Variants in STAT3 observed in about 807,000 individuals in gnomAD.
STAT3 encodes the protein DNA-binding protein APRF.
STAT3 carries 7 observed loss-of-function variants against 114.3 expected under a neutral mutation model. The observed-to-expected ratio is 0.06, with a 90% CI of 0.03 to 0.11. STAT3 has a LOEUF of 0.11. Ranked by LOEUF, STAT3 falls within the 10% of genes least tolerant of loss-of-function variation. The probability of loss-of-function intolerance (pLI) is 1.00; values close to 1 mark genes in which losing one functional copy is unlikely to be tolerated. For missense variants in STAT3, 364 were observed against 960.9 expected (o/e 0.38, Z 8.21); for synonymous variants, 331 against 354.5 (o/e 0.93, Z 0.74).
intron 21 of STAT3, chr17:42,317,473 G>T: frequency 1.7e-6 from 1 of 583,652 alleles, no homozygotes. Context: ...AGACTTTTCA[G>T]CATAACCTTT....
chr17:42,348,537 C>T lies in STAT3; in HGVS notation c.-21G>A, dbSNP rs2082797348. The T allele has an allele frequency of 6.2e-7, 1 of 1,612,846 alleles. No homozygotes were observed. The highest frequency in any genetic ancestry group is 8.5e-7 in the Non-Finnish European group (1 of 1,179,920). ...GCCATCCTGCTAAAATCAGGGGTCC[C>T]AACTGTAAACCAAAGTGTGCATATG... On this transcript the variant is annotated splice_region_variant and 5_prime_UTR_variant, in exon 2 of 24. Coordinates refer to ENST00000264657, the MANE Select transcript of STAT3 (RefSeq NM_139276.3).
chr17:42,343,094 C>A (rs1227925656), intron 4 of STAT3, among the ~76,000 whole-genome samples: 1 of 150,454 alleles, frequency 6.6e-6, no homozygotes, highest in Non-Finnish European at 1.5e-5. Flanking sequence ...ATCGCTAGGG[C>A]CCAGGTGGTT....
rs757779747 is a variant in STAT3, at chr17:42,316,828, T to G, written c.2218A>C (p.Asn740His). Residue 740 changes from asparagine (N) to histidine (H), a missense_variant, in exon 23 of 24, where the codon AAT becomes CAT. By Grantham distance (68) the Asn-to-His change is moderately conservative. Transcript: ENST00000264657. Reference sequence around the variant, plus strand: ...GCTGAGGGTTCAGCACCTTCACCATTATTTCCAAACTGCATCAATGAATCT... The same window carrying G: ...GCTGAGGGTTCAGCACCTTCACCATGATTTCCAAACTGCATCAATGAATCT... Reference protein sequence around the residue: ...TLDSLMQFGNNGEGAEPSAGG... With the variant: ...TLDSLMQFGNHGEGAEPSAGG... The G allele has an allele frequency of 2.5e-6, 4 of 1,613,726 alleles. No homozygotes were observed. Among genetic ancestry groups the G allele is most frequent in the Non-Finnish European group, 2.5e-6 (3 of 1,179,952 alleles).
At chr17:42,384,941 A>G (rs1358868154) in intron 1 of STAT3, among the ~76,000 whole-genome samples, 2 of 152,174 alleles carry the variant, frequency 1.3e-5, no homozygotes, top group African/African-American at 2.4e-5. Context: ...TCCAGGCCTC[A>G]TAACCTCTCC....
chr17:42,315,486 C>G lies in STAT3; in HGVS notation c.*259G>C. 1 of 589,348 alleles carries G rather than the reference C, an allele frequency of 1.7e-6. No individual in the cohort carries two copies. Among genetic ancestry groups the G allele is most frequent in the Non-Finnish European group, 3.0e-6 (1 of 330,480 alleles). 36.5% of individuals were successfully genotyped at this position (589,348 alleles called of 1,614,324 possible). A position where few individuals can be genotyped will look rare whatever the true frequency, so the allele number is the denominator to read the frequency against. ...CCTTTTTCTCCCTCTAGCCACCCCC[C>G]GCCACATCCCCTGATCATGGGTCTC... On this transcript the variant is annotated 3_prime_UTR_variant, in exon 24 of 24. Transcript: ENST00000264657.
chr17:42,321,877 G>A (rs1432330926), intron 21 of STAT3, among the ~76,000 whole-genome samples: 1 of 152,088 alleles, frequency 6.6e-6, no homozygotes, highest in Admixed American at 6.6e-5. Flanking sequence ...AGGCTGGAGT[G>A]CGGTGGCATG....
At chr17:42,323,471 G>A (rs962990612) in intron 18 of STAT3, 102 bp downstream of exon 18, 2 of 1,555,912 alleles carry the variant, frequency 1.3e-6, no homozygotes, top group South Asian at 2.2e-5. Context: ...AGGTCCTACT[G>A]GCCGCTGGAC....
chr17:42,359,775 A>G (rs1397766244), intron 1 of STAT3, among the ~76,000 whole-genome samples: 1 of 152,148 alleles, frequency 6.6e-6, no homozygotes, highest in Non-Finnish European at 1.5e-5. Flanking sequence ...ATTTTAAGTG[A>G]TTTGGCCGGG....
intron 1 of STAT3, among the ~76,000 whole-genome samples, chr17:42,360,399 C>T (rs2083455173): frequency 6.6e-6 from 1 of 151,240 alleles, no homozygotes; most frequent in Non-Finnish European, 1.5e-5. Flanking sequence ...AATCCCAGCA[C>T]TTTGGGAGGC....
chr17:42,313,974 T>A lies in STAT3; in HGVS notation c.*1771A>T. The A allele has an allele frequency of 8.7e-6, 2 of 231,046 alleles. No homozygotes were observed. The highest frequency in any genetic ancestry group is 1.7e-5 in the Non-Finnish European group (2 of 116,562). The allele number at this position is 231,046 out of a possible 1,614,324, so 14.3% of individuals were successfully genotyped here. On this transcript the variant is annotated 3_prime_UTR_variant, in exon 24 of 24. Coordinates refer to ENST00000264657, the MANE Select transcript of STAT3 (RefSeq NM_139276.3). Reference sequence around the variant, plus strand: ...GAATTCCACAGAAACTCTGATCAGCTGAGGCAAGGTGGTTTTGAGTTGCCA... The same window carrying A: ...GAATTCCACAGAAACTCTGATCAGCAGAGGCAAGGTGGTTTTGAGTTGCCA...
chr17:42,340,398 A>AG (rs2082394523), intron 4 of STAT3, among the ~76,000 whole-genome samples: 1 of 150,662 alleles, frequency 6.6e-6, no homozygotes, highest in South Asian at 2.1e-4. Context: ...TAGGCATGGT[A>AG]GCTCCCACCT....
At chr17:42,362,277 G>A (rs1166541475) in intron 1 of STAT3, among the ~76,000 whole-genome samples, 1 of 152,214 alleles carries the variant, frequency 6.6e-6, no homozygotes, top group Non-Finnish European at 1.5e-5. Context: ...TTCAGGGTTT[G>A]TACTCCAGCT....
chr17:42,325,148 G>C, intron 15 of STAT3, 87 bp from the exon 16 acceptor site: 1 of 1,310,050 alleles, frequency 7.6e-7, no homozygotes, highest in Non-Finnish European at 1.1e-6. Flanking sequence ...ACGGGGCTCA[G>C]AATGAAAGGA....
chr17:42,334,070 A>C, intron 8 of STAT3, 21 bp from the exon 9 acceptor site: 1 of 1,613,966 alleles, frequency 6.2e-7, no homozygotes. Context: ...ATTAAGAAAG[A>C]TGCTAATTAC....
intron 1 of STAT3, among the ~76,000 whole-genome samples, chr17:42,351,136 A>G (rs1309916729): frequency 6.6e-6 from 1 of 151,738 alleles, no homozygotes; most frequent in Non-Finnish European, 1.5e-5. Flanking sequence ...TCTCAAAAAA[A>G]AAAAAAAAAA....
chr17:42,322,971 C>T (rs1186918106), intron 20 of STAT3, 33 bp downstream of exon 20: 1 of 1,612,684 alleles, frequency 6.2e-7, no homozygotes, highest in Non-Finnish European at 8.5e-7. Flanking sequence ...TCAGCAGCCA[C>T]CAGCAGGTGG....
In STAT3 at chr17:42,334,059, A is replaced by G; in HGVS notation, c.798-10T>C. 2 of 1,614,070 alleles carry G rather than the reference A, an allele frequency of 1.2e-6. No homozygotes were observed. The highest frequency in any genetic ancestry group is 1.7e-6 in the Non-Finnish European group (2 of 1,180,014). Reference sequence around the variant, plus strand: ...TGCTAATGACGTTATCCTGCCAATAAATTAAGAAAGATGCTAATTACCAAA... The same window carrying G: ...TGCTAATGACGTTATCCTGCCAATAGATTAAGAAAGATGCTAATTACCAAA... On this transcript the variant is annotated splice_polypyrimidine_tract_variant and intron_variant, in intron 8 of 23. Transcript: ENST00000264657.
intron 1 of STAT3, among the ~76,000 whole-genome samples, chr17:42,372,670 A>G (rs1372557291): frequency 1.3e-5 from 2 of 152,136 alleles, no homozygotes; most frequent in African/African-American, 2.4e-5. Flanking sequence ...TGCTCAACAG[A>G]GTGAAATGTA....
At chr17:42,368,775 C>A (rs774376293) in intron 1 of STAT3, among the ~76,000 whole-genome samples, 1 of 150,720 alleles carries the variant, frequency 6.6e-6, no homozygotes, top group Admixed American at 6.6e-5. Context: ...TGGGGTTACA[C>A]GTGCAAGTTT....
Sources: gnomAD v4.1 joint callset for allele counts (sites outside exome capture counted in the v4.1 genomes callset) on GRCh38, gnomAD v4.1.1 for gene constraint, MANE v1.5 for transcripts, NCBI Gene and HGNC (gene_info 2026-07-23, HGNC 2026-07-21) for gene names.